Variants in NT5DC3 observed in about 807,000 individuals in gnomAD.
NT5DC3 encodes 5'-nucleotidase domain-containing protein 3.
In NT5DC3, 42 loss-of-function variants were observed where a neutral mutation model predicts 67.8. The observed-to-expected ratio is 0.62, with a 90% CI of 0.48 to 0.80. The LOEUF is 0.80. NT5DC3 is among the 30% of genes least tolerant of loss of function. The pLI, the probability that NT5DC3 is intolerant of heterozygous loss-of-function variation, is 0.00. For synonymous variants in NT5DC3, 237 were observed against 255.6 expected (o/e 0.93, Z 0.69); for missense variants, 570 against 696.4 (o/e 0.82, Z 2.04).
chr12:103,749,581 G>A, the NT5DC3 span, among the ~76,000 whole-genome samples: 1 of 151,570 alleles, frequency 6.6e-6, no homozygotes, highest in Non-Finnish European at 1.5e-5. Context: ...TGTAATCCCA[G>A]TACTTTGGGA....
At position 103,806,842 on chromosome 12, in the gene NT5DC3, G is replaced by A. The variant is rs760443281; in HGVS notation, c.468+13C>T. ...ATCATTAAACCATAGAAAAACAGGA[G>A]AAGTAAACCTACCCGCTGTACATCA... On this transcript the variant is annotated intron_variant, in intron 3 of 13. Coordinates refer to ENST00000392876, the MANE Select transcript of NT5DC3 (RefSeq NM_001031701.3). The A allele has an allele frequency of 3.9e-6, 6 of 1,541,736 alleles. No individual in the cohort carries two copies. In the Admixed American group the frequency reaches 1.0e-4, roughly 26 times the overall value.
Position 103,787,474 on chromosome 12 carries a change from C to T in NT5DC3, c.1155G>A (p.Leu385=), listed in dbSNP as rs1291552188. The T allele has an allele frequency of 3.1e-6, 5 of 1,604,458 alleles. No individual in the cohort carries two copies. In the South Asian group the frequency reaches 3.4e-5, roughly 11 times the overall value. The change falls in exon 11 of 14, where the codon TTG becomes TTA. Residue 385 remains leucine (L), a synonymous_variant. Coordinates refer to ENST00000392876, the MANE Select transcript of NT5DC3 (RefSeq NM_001031701.3). ...KLTGWRGSRV[L]YFGDHIYSDL... ...CACTGTATATATGGTCACCAAAATA[C>T]AACACTCTGGATCCTCTCCATCCAG...
chr12:103,782,635 C>T (rs1016782711), intron 12 of NT5DC3, among the ~76,000 whole-genome samples: 1 of 152,174 alleles, frequency 6.6e-6, no homozygotes, highest in Non-Finnish European at 1.5e-5. Context: ...ACCTGAGAAG[C>T]GGCTACCAAT....
intron 1 of NT5DC3, among the ~76,000 whole-genome samples, chr12:103,834,154 C>T (rs1014870487): frequency 2.6e-5 from 4 of 152,026 alleles, no homozygotes; most frequent in Non-Finnish European, 5.9e-5. Context: ...CCTTGGGGAA[C>T]AAAACTGCCC....
chr12:103,810,012 T>C (rs1886962194), intron 2 of NT5DC3, among the ~76,000 whole-genome samples: 1 of 152,082 alleles, frequency 6.6e-6, no homozygotes, highest in African/African-American at 2.4e-5. Context: ...CCTTTTGGAA[T>C]TGCAAAGGAT....
At chr12:103,755,243 AG>A in the NT5DC3 span, 1 of 1,588,158 alleles carries the variant, frequency 6.3e-7, no homozygotes, top group Non-Finnish European at 8.6e-7. Flanking sequence ...ACATTAACCA[AG>A]TGATGCCACA....
chr12:103,838,890 A>C (rs1165593), intron 1 of NT5DC3, among the ~76,000 whole-genome samples: 6 of 152,290 alleles, frequency 3.9e-5, no homozygotes, highest in Admixed American at 3.9e-4. Context: ...CATCAGCCTA[A>C]CATTTTTGAA....
chr12:103,834,992 C>T (rs1287558722), intron 1 of NT5DC3, among the ~76,000 whole-genome samples: 1 of 152,222 alleles, frequency 6.6e-6, no homozygotes, highest in East Asian at 1.9e-4. Flanking sequence ...GGGTCAGCCT[C>T]AGAGACACAT....
chr12:103,751,993 T>A, the NT5DC3 span, among the ~76,000 whole-genome samples: 1 of 152,024 alleles, frequency 6.6e-6, no homozygotes, highest in Non-Finnish European at 1.5e-5. Context: ...CTCACACAGT[T>A]CATAGGAGGG....
the NT5DC3 span, chr12:103,759,230 G>A: frequency 6.2e-7 from 1 of 1,614,130 alleles, no homozygotes; most frequent in Admixed American, 1.7e-5. Context: ...ACGAGGCTGG[G>A]AAGCAAGCTG....
intron 4 of NT5DC3, among the ~76,000 whole-genome samples, chr12:103,804,337 G>A (rs928184866): frequency 2.6e-5 from 4 of 152,128 alleles, no homozygotes; most frequent in African/African-American, 9.7e-5. Flanking sequence ...AGGCCTGCAA[G>A]GGGTATACCC....
intron 1 of NT5DC3, among the ~76,000 whole-genome samples, chr12:103,820,611 G>C (rs765034025): frequency 1.3e-5 from 2 of 152,148 alleles, no homozygotes; most frequent in Admixed American, 6.5e-5. Context: ...GAGCTTGGCA[G>C]AGCTGTCACA....
At chr12:103,747,995 CAAAAAAAAAA>C in the NT5DC3 span, among the ~76,000 whole-genome samples, 3 of 96,758 alleles carry the variant, frequency 3.1e-5, no homozygotes, top group African/African-American at 7.6e-5. Flanking sequence ...ACTCTGTCTC[CAAAAAAAAAA>C]AAAAAAAAAG....
chr12:103,781,759 T>A (rs967650240), intron 12 of NT5DC3, among the ~76,000 whole-genome samples: 1 of 152,232 alleles, frequency 6.6e-6, no homozygotes, highest in Non-Finnish European at 1.5e-5. Context: ...CTATCATTAA[T>A]CTTTCAAGTG....
intron 4 of NT5DC3, among the ~76,000 whole-genome samples, chr12:103,801,428 G>A (rs1886575767): frequency 7.2e-6 from 1 of 138,306 alleles, no homozygotes. Flanking sequence ...TGTCGCCCAG[G>A]CTGGAGTGCA....
At chr12:103,761,276 T>TC in the NT5DC3 span, 1 of 1,608,502 alleles carries the variant, frequency 6.2e-7, no homozygotes, top group Non-Finnish European at 8.5e-7. Context: ...GTAAAAGCCA[T>TC]CAACCCTCTT....
downstream of NT5DC3, among the ~76,000 whole-genome samples, chr12:103,769,254 C>T (rs986278738): frequency 3.3e-5 from 5 of 152,298 alleles, no homozygotes; most frequent in Admixed American, 3.3e-4. Context: ...ACTGTGTGCC[C>T]TTGTTAGTGT....
intron 1 of NT5DC3, among the ~76,000 whole-genome samples, chr12:103,838,029 A>T (rs1370389998): frequency 6.6e-6 from 1 of 152,196 alleles, no homozygotes; most frequent in Non-Finnish European, 1.5e-5. Flanking sequence ...CCACATGGCC[A>T]CAGAGGCCTC....
chr12:103,806,401 C>T (rs1257950938), intron 3 of NT5DC3, 24 bp from the exon 4 acceptor site: 2 of 1,517,828 alleles, frequency 1.3e-6, no homozygotes, highest in East Asian at 2.3e-5. Context: ...AACATATGCA[C>T]ATGTAAATAA....
Sources: gnomAD v4.1 joint callset for allele counts (sites outside exome capture counted in the v4.1 genomes callset) on GRCh38, gnomAD v4.1.1 for gene constraint, MANE v1.5 for transcripts, NCBI Gene and HGNC (gene_info 2026-07-23, HGNC 2026-07-21) for gene names.